Variants in RAB40C observed in about 807,000 individuals in gnomAD.
RAB40C encodes ras-related protein Rab-40C.
Under a neutral mutation model 28.1 loss-of-function variants are expected in RAB40C, and 8 were observed. The observed-to-expected ratio is 0.28, with a 90% CI of 0.17 to 0.51. RAB40C has a LOEUF of 0.51. RAB40C is among the 20% of genes least tolerant of loss of function. The pLI is 0.97. For synonymous variants in RAB40C, 201 were observed against 171.7 expected (o/e 1.17, Z -1.34); for missense variants, 288 against 405.9 (o/e 0.71, Z 2.50).
chr16:596,257 A>G (rs75238938), intron 1 of RAB40C: 5,569 of 454,430 alleles, frequency 0.012, 48 homozygotes, highest in Middle Eastern at 0.021. Context: ...GTGGGCGGGA[A>G]GGACACAAGG....
chr16:598,278 T>C (rs534657648), intron 1 of RAB40C, among the ~76,000 whole-genome samples: 2 of 151,266 alleles, frequency 1.3e-5, no homozygotes, highest in African/African-American at 4.9e-5. Context: ...CTTGGGAGGC[T>C]GAGGTACGAG....
intron 1 of RAB40C, chr16:616,849 A>G (rs952736364): frequency 3.8e-6 from 1 of 266,024 alleles, no homozygotes; most frequent in African/African-American, 2.2e-5. Context: ...CCTCTGAGGG[A>G]GAGGCCCTGT....
At chr16:594,149 C>A (rs941526837) in intron 1 of RAB40C, among the ~76,000 whole-genome samples, 2 of 152,210 alleles carry the variant, frequency 1.3e-5, no homozygotes, top group African/African-American at 4.8e-5. Flanking sequence ...ACCGTGTCCC[C>A]ACAAACCTTC....
intron 3 of RAB40C, among the ~76,000 whole-genome samples, chr16:621,419 G>C (rs189274591): frequency 6.6e-6 from 1 of 152,396 alleles, no homozygotes; most frequent in Admixed American, 6.5e-5. Flanking sequence ...CTCCGTTAGA[G>C]AGTGGAGAGG....
intron 1 of RAB40C, among the ~76,000 whole-genome samples, chr16:594,479 G>A (rs190043584): frequency 1.1e-4 from 16 of 152,338 alleles, no homozygotes; most frequent in Admixed American, 1.0e-3. Context: ...CCCTGTGTGG[G>A]TGTCCCAGCT....
At chr16:590,477 C>T in intron 1 of RAB40C, 44 bp downstream of exon 1, 1 of 1,492,514 alleles carries the variant, frequency 6.7e-7, no homozygotes, top group Non-Finnish European at 8.9e-7. Context: ...GGGGCCCGAG[C>T]CCGGCGAGCT....
chr16:608,146 G>A (rs867464246), intron 1 of RAB40C, among the ~76,000 whole-genome samples: 28 of 152,314 alleles, frequency 1.8e-4, no homozygotes, highest in African/African-American at 6.3e-4. Flanking sequence ...GGCTGCAGAG[G>A]CCTCAGGAAA....
chr16:616,972 A>G (rs2036598322), intron 1 of RAB40C: 1 of 547,808 alleles, frequency 1.8e-6, no homozygotes, highest in Non-Finnish European at 3.3e-6. Flanking sequence ...TGTATGGACC[A>G]CGCTCCTGCC....
At chr16:619,050 T>C (rs1206234317) in intron 3 of RAB40C, among the ~76,000 whole-genome samples, 2 of 132,662 alleles carry the variant, frequency 1.5e-5, no homozygotes, top group Non-Finnish European at 3.2e-5. Context: ...GCTGTGTGTG[T>C]GCACAGGTGT....
At chr16:592,682 C>T (rs901760650) in intron 1 of RAB40C, among the ~76,000 whole-genome samples, 4 of 152,260 alleles carry the variant, frequency 2.6e-5, no homozygotes, top group African/African-American at 9.6e-5. Context: ...AGGCTGGCGG[C>T]GTGCGTGTTT....
intron 3 of RAB40C, chr16:623,936 A>C (rs1379691974): frequency 1.0e-6 from 1 of 961,520 alleles, no homozygotes. Flanking sequence ...ACCCTGTTTC[A>C]AAAAAAAAGA....
chr16:589,940 G>T (rs1185510295), upstream of RAB40C: 3 of 151,448 alleles, frequency 2.0e-5, no homozygotes, highest in African/African-American at 7.3e-5. Context: ...GGTGCGACCG[G>T]AGGTCTGGCG....
At chr16:617,153 C>A in intron 1 of RAB40C, 55 bp from the exon 2 acceptor site, 1 of 1,590,798 alleles carries the variant, frequency 6.3e-7, no homozygotes, top group Non-Finnish European at 8.6e-7. Flanking sequence ...GCTGGTCTCG[C>A]GGGCGCTCGC....
chr16:593,314 T>C (rs1046441975), intron 1 of RAB40C, among the ~76,000 whole-genome samples: 10 of 152,264 alleles, frequency 6.6e-5, no homozygotes, highest in Admixed American at 2.0e-4. Flanking sequence ...ACTCAGCATC[T>C]TGAGAATTTA....
intron 3 of RAB40C, among the ~76,000 whole-genome samples, chr16:619,202 CAT>C (rs1367557600): frequency 1.4e-5 from 2 of 141,780 alleles, no homozygotes; most frequent in Non-Finnish European, 3.1e-5. Flanking sequence ...CACTCAGGGC[CAT>C]GTGTGTGTGC....
intron 3 of RAB40C, among the ~76,000 whole-genome samples, chr16:620,836 C>A (rs980806514): frequency 6.6e-6 from 1 of 151,648 alleles, no homozygotes; most frequent in Non-Finnish European, 1.5e-5. Flanking sequence ...GCCACCCCCC[C>A]CGACGGGCTC....
intron 1 of RAB40C, among the ~76,000 whole-genome samples, chr16:597,842 T>C (rs1389502635): frequency 2.1e-5 from 3 of 144,908 alleles, no homozygotes; most frequent in African/African-American, 7.6e-5. Flanking sequence ...GGCTCACACC[T>C]GCAATCTCAG....
intron 1 of RAB40C, among the ~76,000 whole-genome samples, chr16:608,633 G>A (rs960798344): frequency 3.9e-5 from 6 of 152,164 alleles, no homozygotes; most frequent in African/African-American, 1.4e-4. Flanking sequence ...ACTTTAGGAG[G>A]CCGAGGCAGG....
intron 5 of RAB40C, 117 bp downstream of exon 5, chr16:626,238 C>T (rs966846374): frequency 2.6e-5 from 28 of 1,067,422 alleles, no homozygotes; most frequent in South Asian, 9.8e-5. Flanking sequence ...CCCTTGGCAA[C>T]GCGCAGTAGG....
Sources: allele counts gnomAD v4.1 joint callset (sites outside exome capture counted in the v4.1 genomes callset), GRCh38; gene constraint gnomAD v4.1.1; transcripts MANE v1.5; gene names NCBI Gene and HGNC (gene_info 2026-07-23, HGNC 2026-07-21).